The following NDUFS4 variants were observed in gnomAD, a reference collection of about 807,000 sequenced individuals.
The protein encoded by NDUFS4 is NADH:ubiquinone oxidoreductase subunit S4, also known as NADH dehydrogenase [ubiquinone] iron-sulfur protein 4, mitochondrial.
Under a neutral mutation model 24.3 loss-of-function variants are expected in NDUFS4, and 28 were observed. The ratio of observed to expected loss-of-function variants is 1.15; its 90% CI spans 0.85 to 1.58. NDUFS4 has a LOEUF of 1.58. Among genes scored for constraint, NDUFS4 ranks in the 40% most tolerant of loss-of-function variants. The probability of loss-of-function intolerance (pLI) is 0.00; values close to 1 mark genes in which losing one functional copy is unlikely to be tolerated. For missense variants in NDUFS4, 223 were observed against 207.9 expected, an observed-to-expected ratio of 1.07 and a Z score of -0.45; for synonymous variants, 93 against 69.7, an observed-to-expected ratio of 1.34 and a Z score of -1.67.
chr5:53,646,149 T>C (rs1751855181), intron 2 of NDUFS4, 84 bp from the exon 3 acceptor site: 1 of 1,105,640 alleles, frequency 9.0e-7, no homozygotes, highest in Non-Finnish European at 1.3e-6. Flanking sequence ...TGAATAGAGT[T>C]GCATGAATAT....
intron 1 of NDUFS4, among the ~76,000 whole-genome samples, chr5:53,591,461 T>TTTG (rs1491299426): frequency 1.2e-5 from 1 of 81,190 alleles, no homozygotes; most frequent in South Asian, 5.5e-4. Context: ...TTGTTTTTTT[T>TTTG]GGGGGGGGGG....
intron 1 of NDUFS4, among the ~76,000 whole-genome samples, chr5:53,564,867 A>G (rs1748969405): frequency 6.6e-6 from 1 of 152,214 alleles, no homozygotes; most frequent in African/African-American, 2.4e-5. Context: ...GTCGGCATAT[A>G]GTAAGCCTTC....
chr5:53,579,426 A>G (rs1463962210), intron 1 of NDUFS4, among the ~76,000 whole-genome samples: 1 of 152,228 alleles, frequency 6.6e-6, no homozygotes, highest in African/African-American at 2.4e-5. Flanking sequence ...GAGGCTGAAT[A>G]ATGACACAGC....
At chr5:53,574,516 TA>T (rs1233269999) in intron 1 of NDUFS4, among the ~76,000 whole-genome samples, 3 of 152,204 alleles carry the variant, frequency 2.0e-5, no homozygotes, top group Non-Finnish European at 2.9e-5. Flanking sequence ...TACTGATCTG[TA>T]GTTTGTTTCT....
intron 1 of NDUFS4, among the ~76,000 whole-genome samples, chr5:53,573,343 C>G (rs1436658477): frequency 6.6e-6 from 1 of 152,086 alleles, no homozygotes; most frequent in Admixed American, 6.5e-5. Flanking sequence ...TCTTTTATAA[C>G]TATGAAATCC....
intron 2 of NDUFS4, among the ~76,000 whole-genome samples, chr5:53,614,106 A>G (rs786333): frequency 0.66 from 99,159 of 150,970 alleles, 32,775 homozygotes; most frequent in East Asian, 0.75. Context: ...ACAGTTAATC[A>G]TTTAAAATGA....
At chr5:53,585,854 G>A (rs1561343720) in intron 1 of NDUFS4, among the ~76,000 whole-genome samples, 1 of 151,044 alleles carries the variant, frequency 6.6e-6, no homozygotes, top group Non-Finnish European at 1.5e-5. Flanking sequence ...TATGTTTTTT[G>A]TTATGTTACA....
At chr5:53,673,616 C>G (rs1256620439) in intron 4 of NDUFS4, among the ~76,000 whole-genome samples, 2 of 152,148 alleles carry the variant, frequency 1.3e-5, no homozygotes, top group Non-Finnish European at 2.9e-5. Context: ...CACAATCAGT[C>G]ACTTTACTTG....
At chr5:53,568,953 T>G (rs1271596876) in intron 1 of NDUFS4, among the ~76,000 whole-genome samples, 1 of 152,194 alleles carries the variant, frequency 6.6e-6, no homozygotes, top group Non-Finnish European at 1.5e-5. Flanking sequence ...GTTTTTTCCT[T>G]TATTCAGCCA....
chr5:53,661,178 T>A (rs1752331366), intron 4 of NDUFS4, among the ~76,000 whole-genome samples: 1 of 152,210 alleles, frequency 6.6e-6, no homozygotes, highest in Admixed American at 6.5e-5. Context: ...AATTTTTGTA[T>A]AAGGTGTAAG....
intron 2 of NDUFS4, among the ~76,000 whole-genome samples, chr5:53,644,360 A>T (rs984483236): frequency 6.6e-6 from 1 of 152,166 alleles, no homozygotes; most frequent in African/African-American, 2.4e-5. Flanking sequence ...TAATTCTATA[A>T]CATGCTTATA....
intron 1 of NDUFS4, among the ~76,000 whole-genome samples, chr5:53,580,775 C>CTCTCTCTTTCTTTCTCTT (rs780599001): frequency 1.5e-5 from 2 of 137,888 alleles, no homozygotes; most frequent in African/African-American, 5.4e-5. Flanking sequence ...CTTTCTTTCT[C>CTCTCTCTTTCTTTCTCTT]TCTCTCTTTC....
intron 4 of NDUFS4, among the ~76,000 whole-genome samples, chr5:53,659,119 T>C (rs1417817606): frequency 6.6e-6 from 1 of 152,184 alleles, no homozygotes; most frequent in African/African-American, 2.4e-5. Flanking sequence ...ATTTGCTACT[T>C]TTCTAGATAT....
At chr5:53,584,949 G>A (rs1391230920) in intron 1 of NDUFS4, among the ~76,000 whole-genome samples, 1 of 151,972 alleles carries the variant, frequency 6.6e-6, no homozygotes, top group Non-Finnish European at 1.5e-5. Context: ...TCTATTTTTA[G>A]TAGAGATGGG....
intron 4 of NDUFS4, among the ~76,000 whole-genome samples, chr5:53,661,867 A>C (rs1752353981): frequency 6.6e-6 from 1 of 152,192 alleles, no homozygotes; most frequent in Non-Finnish European, 1.5e-5. Context: ...ACTTTGCTGA[A>C]GTTGCCTATG....
At chr5:53,640,471 C>A (rs1751679687) in intron 2 of NDUFS4, among the ~76,000 whole-genome samples, 1 of 152,108 alleles carries the variant, frequency 6.6e-6, no homozygotes, top group Admixed American at 6.6e-5. Context: ...ATGGTGCCAT[C>A]ATATGCTTCT....
Position 53,560,710 on chromosome 5 carries a change from G to T in NDUFS4, c.48G>T (p.Arg16=). 1 of 1,614,248 alleles carries T rather than the reference G, an allele frequency of 6.2e-7. No homozygotes were observed. Among genetic ancestry groups the T allele is most frequent in the Non-Finnish European group, 8.5e-7 (1 of 1,180,042 alleles). ...TGGTACTGAGGCAGACGTTGTGGCG[G>T]AGAAGGGCAGTGGCTGTAGCTGCCC... is the stretch of plus-strand genomic sequence containing the variant. ...MSVVLRQTLW[R]RRAVAVAALS... is the part of the protein sequence containing the mutation. The change falls in exon 1 of 5, where the codon CGG becomes CGT. Residue 16 remains arginine (R), a synonymous_variant. Coordinates refer to ENST00000296684, the MANE Select transcript of NDUFS4 (RefSeq NM_002495.4).
At chr5:53,627,701 A>C (rs941208280) in intron 2 of NDUFS4, among the ~76,000 whole-genome samples, 1 of 152,116 alleles carries the variant, frequency 6.6e-6, no homozygotes, top group Admixed American at 6.6e-5. Context: ...TTGGTGTATA[A>C]GAATGCTTGT....
chr5:53,586,350 C>A (rs113650689), intron 1 of NDUFS4, among the ~76,000 whole-genome samples: 13,736 of 146,396 alleles, frequency 0.094, 768 homozygotes, highest in Non-Finnish European at 0.13. Context: ...AAAAAACAAA[C>A]CAAAACAAAA....
Sources: gnomAD v4.1 joint callset for allele counts (sites outside exome capture counted in the v4.1 genomes callset) on GRCh38, gnomAD v4.1.1 for gene constraint, MANE v1.5 for transcripts, NCBI Gene and HGNC (gene_info 2026-07-23, HGNC 2026-07-21) for gene names.